KIAA0319L: variants seen among roughly 807,000 people sequenced by gnomAD.
KIAA0319L encodes the protein dyslexia-associated protein KIAA0319-like protein.
KIAA0319L carries 55 observed loss-of-function variants against 120.1 expected under a neutral mutation model. That is an observed-to-expected ratio of 0.46 (90% CI 0.37 to 0.57). The LOEUF is 0.57. Among genes scored for constraint, KIAA0319L ranks in the 20% least tolerant of loss-of-function variants. The pLI, the probability that KIAA0319L is intolerant of heterozygous loss-of-function variation, is 0.00. For synonymous variants in KIAA0319L, 398 were observed against 471.9 expected (o/e 0.84, Z 2.03); for missense variants, 1,049 against 1,255.3 (o/e 0.84, Z 2.48).
intron 8 of KIAA0319L, among the ~76,000 whole-genome samples, chr1:35,460,841 A>G (rs1642839640): frequency 6.6e-6 from 1 of 152,260 alleles, no homozygotes; most frequent in Non-Finnish European, 1.5e-5. Flanking sequence ...AAAGGTGTGG[A>G]GAAAGAGGAC....
At chr1:35,536,395 A>G (rs887547758) in intron 2 of KIAA0319L, among the ~76,000 whole-genome samples, 12 of 152,244 alleles carry the variant, frequency 7.9e-5, no homozygotes, top group Admixed American at 2.6e-4. Flanking sequence ...ACTTCACTCA[A>G]AGGTGACATA....
chr1:35,446,324 A>G (rs772262874), intron 16 of KIAA0319L, among the ~76,000 whole-genome samples: 3 of 152,264 alleles, frequency 2.0e-5, no homozygotes, highest in Middle Eastern at 3.4e-3. Flanking sequence ...AGTCTATACA[A>G]ATGCTCACAA....
chr1:35,459,596 CAAA>C (rs60312606), intron 9 of KIAA0319L, among the ~76,000 whole-genome samples: 1 of 104,010 alleles, frequency 9.6e-6, no homozygotes, highest in Non-Finnish European at 2.1e-5. Flanking sequence ...GACTCTGTCT[CAAA>C]AAAAAAAAAA....
intron 3 of KIAA0319L, among the ~76,000 whole-genome samples, chr1:35,502,959 C>A: frequency 6.6e-6 from 1 of 152,178 alleles, no homozygotes; most frequent in East Asian, 1.9e-4. Context: ...GAGAATCACA[C>A]AACTTAAAGA....
In KIAA0319L at chr1:35,478,958, G is replaced by A; in HGVS notation, c.913+8C>T. On this transcript the variant is annotated splice_region_variant and intron_variant, in intron 4 of 20. Transcript: ENST00000325722. Reference sequence around the variant, plus strand: ...TTTCCTTCTATCTCCAAGAGCAAAGGTCCTTACCTGGGTATGGTGCTGAGG... The same window carrying A: ...TTTCCTTCTATCTCCAAGAGCAAAGATCCTTACCTGGGTATGGTGCTGAGG... The A allele has an allele frequency of 6.2e-7, 1 of 1,613,616 alleles. No individual in the cohort carries two copies. The highest frequency in any genetic ancestry group is 8.5e-7 in the Non-Finnish European group (1 of 1,179,744).
At position 35,441,117 on chromosome 1, in the gene KIAA0319L, C is replaced by T. The variant is rs1384593930; in HGVS notation, c.2892G>A (p.Arg964=). Residue 964 remains arginine (R), a synonymous_variant, in exon 20 of 21, where the codon AGG becomes AGA. Transcript: ENST00000325722. ...CCKRQKGKPK[R]KSKYKILDAT... ...CATCCAGGATCTTGTACTTGCTTTTCCTCTTGGGTTTTCCTTTTTGCCTAA... is the reference window on the plus strand; with the variant it reads ...CATCCAGGATCTTGTACTTGCTTTTTCTCTTGGGTTTTCCTTTTTGCCTAA... The T allele has an allele frequency of 6.2e-7, 1 of 1,614,174 alleles. No individual in the cohort carries two copies.
At chr1:35,546,120 G>A (rs1646971855) in intron 2 of KIAA0319L, among the ~76,000 whole-genome samples, 1 of 152,286 alleles carries the variant, frequency 6.6e-6, no homozygotes, top group African/African-American at 2.4e-5. Flanking sequence ...TGGAAGTAGT[G>A]AGCACACAGG....
At chr1:35,451,499 C>T (rs1335954424) in intron 13 of KIAA0319L, 129 bp downstream of exon 13, 3 of 814,444 alleles carry the variant, frequency 3.7e-6, no homozygotes, top group African/African-American at 1.7e-5. Flanking sequence ...ATAACAATTG[C>T]CCTCACCCCA....
intron 3 of KIAA0319L, among the ~76,000 whole-genome samples, chr1:35,487,607 C>T (rs1287301249): frequency 1.3e-5 from 2 of 152,210 alleles, no homozygotes; most frequent in East Asian, 3.8e-4. Context: ...AGAGATTTTA[C>T]TCAGATTTGG....
chr1:35,446,373 C>A (rs569426580), intron 16 of KIAA0319L, among the ~76,000 whole-genome samples: 1 of 152,268 alleles, frequency 6.6e-6, no homozygotes, highest in South Asian at 2.1e-4. Context: ...TCCACAAGGA[C>A]CACAATGAAA....
chr1:35,473,889 A>G lies in KIAA0319L; in HGVS notation c.1015+916T>C, dbSNP rs113491490. ...AACCCAACTGGCTCAATTTCCATCAAAGTATGTACCACTCAAGTCCTAAAT... is the reference window on the plus strand; with the variant it reads ...AACCCAACTGGCTCAATTTCCATCAGAGTATGTACCACTCAAGTCCTAAAT... On this transcript the variant is annotated intron_variant, in intron 5 of 20. Transcript: ENST00000325722. Among the ~76,000 whole-genome samples, 217 of 152,316 alleles carry G rather than the reference A, an allele frequency of 1.4e-3. 3 individuals carry two copies. Among genetic ancestry groups the G allele is most frequent in the African/African-American group, 4.6e-3 (190 of 41,552 alleles).
At chr1:35,486,385 A>G (rs920809246) in intron 3 of KIAA0319L, among the ~76,000 whole-genome samples, 70 of 151,454 alleles carry the variant, frequency 4.6e-4, no homozygotes, top group African/African-American at 1.5e-3. Context: ...AGAAAAAAAA[A>G]AAAAAAAAAA....
intron 2 of KIAA0319L, among the ~76,000 whole-genome samples, chr1:35,540,926 C>T (rs993937729): frequency 6.6e-6 from 1 of 152,090 alleles, no homozygotes; most frequent in Non-Finnish European, 1.5e-5. Context: ...ATCTGTCTTG[C>T]TCACCAATGT....
chr1:35,436,590 G>C, intron 20 of KIAA0319L, among the ~76,000 whole-genome samples: 1 of 152,182 alleles, frequency 6.6e-6, no homozygotes, highest in Non-Finnish European at 1.5e-5. Context: ...CTATAGCAGT[G>C]AGGACAGGAG....
chr1:35,459,745 C>A (rs1452217785), intron 9 of KIAA0319L, among the ~76,000 whole-genome samples: 3 of 152,048 alleles, frequency 2.0e-5, no homozygotes, highest in Non-Finnish European at 4.4e-5. Context: ...TTTTAACATA[C>A]AAGGAATTAC....
At chr1:35,526,382 T>TACAC (rs1460000307) in intron 2 of KIAA0319L, among the ~76,000 whole-genome samples, 1 of 123,040 alleles carries the variant, frequency 8.1e-6, no homozygotes, top group Non-Finnish European at 1.5e-5. Flanking sequence ...CATATATATA[T>TACAC]ACATACATAT....
intron 3 of KIAA0319L, among the ~76,000 whole-genome samples, chr1:35,505,869 T>C (rs1012943796): frequency 6.6e-6 from 1 of 152,146 alleles, no homozygotes. Flanking sequence ...GTGCAACAAT[T>C]AGTACACAGA....
At chr1:35,493,338 T>C (rs1287435857) in intron 3 of KIAA0319L, among the ~76,000 whole-genome samples, 1 of 152,068 alleles carries the variant, frequency 6.6e-6, no homozygotes, top group African/African-American at 2.4e-5. Flanking sequence ...ACTATGTACG[T>C]ACCCACTAAA....
intron 2 of KIAA0319L, among the ~76,000 whole-genome samples, chr1:35,508,061 A>G (rs1299018365): frequency 1.3e-5 from 2 of 152,326 alleles, no homozygotes; most frequent in Admixed American, 1.3e-4. Context: ...TACTGGCTCT[A>G]TAGGTGTCTA....
Sources: allele counts gnomAD v4.1 joint callset (sites outside exome capture counted in the v4.1 genomes callset), GRCh38; gene constraint gnomAD v4.1.1; transcripts MANE v1.5; gene names NCBI Gene and HGNC (gene_info 2026-07-23, HGNC 2026-07-21).